Variants in CAND2 observed in about 807,000 individuals in gnomAD.
CAND2 encodes the protein cullin-associated NEDD8-dissociated protein 2.
CAND2 carries 62 observed loss-of-function variants against 98.9 expected under a neutral mutation model. The observed-to-expected ratio is 0.63, with a 90% confidence interval of 0.51 to 0.77. CAND2 has a LOEUF of 0.77. CAND2 is among the 30% of genes least tolerant of loss of function. The pLI is 0.00. For missense variants in CAND2, 1,501 were observed against 1,655.2 expected, an observed-to-expected ratio of 0.91 and a Z score of 1.62; for synonymous variants, 770 against 731.9, an observed-to-expected ratio of 1.05 and a Z score of -0.84.
At chr3:12,830,127 T>C (rs577836908) in intron 13 of CAND2, among the ~76,000 whole-genome samples, 1 of 152,290 alleles carries the variant, frequency 6.6e-6, no homozygotes, top group Admixed American at 6.5e-5. Context: ...CGCTCCTTCC[T>C]GCACTTCCTG....
At chr3:12,803,227 C>T (rs1016864898) in intron 1 of CAND2, among the ~76,000 whole-genome samples, 5 of 152,108 alleles carry the variant, frequency 3.3e-5, no homozygotes, top group African/African-American at 1.2e-4. Context: ...CTCCTGACCT[C>T]GTGATCTGCC....
chr3:12,820,330 A>C (rs1222697973), intron 11 of CAND2, 149 bp downstream of exon 11: 2 of 590,654 alleles, frequency 3.4e-6, no homozygotes, highest in Admixed American at 3.2e-5. Context: ...CCCTCCAGTT[A>C]AAAGGCCTGG....
rs2062074661 is a variant in CAND2, at chr3:12,833,748, A to C, written c.3484-7A>C. 1 of 1,611,384 alleles carries C rather than the reference A, an allele frequency of 6.2e-7. No homozygotes were observed. The highest frequency in any genetic ancestry group is 1.3e-5 in the African/African-American group (1 of 74,866). On this transcript the variant is annotated splice_region_variant and splice_polypyrimidine_tract_variant and intron_variant, in intron 14 of 14. Coordinates refer to ENST00000456430, the MANE Select transcript of CAND2 (RefSeq NM_001162499.2). Reference sequence around the variant, plus strand: ...AGGATGGCTGCTTCTGCTGTTTCCTACTTTAGGTCAAAGCTGGTTCTGTGA... The same window carrying C: ...AGGATGGCTGCTTCTGCTGTTTCCTCCTTTAGGTCAAAGCTGGTTCTGTGA...
At position 12,817,302 on chromosome 3, in the gene CAND2, G is replaced by A; in HGVS notation, c.2370G>A (p.Val790=). The A allele has an allele frequency of 1.9e-6, 3 of 1,613,868 alleles. No homozygotes were observed. The highest frequency in any genetic ancestry group is 1.7e-4 in the Middle Eastern group (1 of 6,058). The change falls in exon 10 of 15, where the codon GTG becomes GTA. Residue 790 remains valine, a synonymous_variant. Transcript: ENST00000456430. ...CTGCGCCTGTTTATGAGCAGGCTGT[G>A]GATGGTGGGCCTGGCCTGCACAAGC... ...LLTAPVYEQA[V]DGGPGLHKQV...
chr3:12,825,401 G>A (rs1248572379), intron 11 of CAND2, 69 bp from the exon 12 acceptor site: 45 of 1,443,478 alleles, frequency 3.1e-5, no homozygotes, highest in Middle Eastern at 2.2e-4. Flanking sequence ...CCAGATGGCC[G>A]GGGTGGTGAG....
chr3:12,827,111 G>A (rs1045763640), intron 12 of CAND2, among the ~76,000 whole-genome samples: 3 of 152,170 alleles, frequency 2.0e-5, no homozygotes, highest in South Asian at 2.1e-4. Flanking sequence ...GATTATAGGC[G>A]TGAACCACTG....
At chr3:12,828,901 T>C (rs1016808273) in intron 13 of CAND2, among the ~76,000 whole-genome samples, 1 of 152,226 alleles carries the variant, frequency 6.6e-6, no homozygotes, top group Non-Finnish European at 1.5e-5. Context: ...CATGTCAGAA[T>C]TTCCCAGTGT....
intron 1 of CAND2, among the ~76,000 whole-genome samples, chr3:12,798,153 T>C (rs993970551): frequency 6.6e-6 from 1 of 152,192 alleles, no homozygotes; most frequent in East Asian, 1.9e-4. Context: ...CTCAGGTTCA[T>C]GGCAGGCACT....
chr3:12,806,114 T>C (rs2061803993), intron 2 of CAND2, among the ~76,000 whole-genome samples: 1 of 152,164 alleles, frequency 6.6e-6, no homozygotes, highest in Admixed American at 6.5e-5. Context: ...AGAGGATCAC[T>C]TGAGGCCAGC....
chr3:12,810,175 C>T lies in CAND2; in HGVS notation c.608C>T (p.Ala203Val), dbSNP rs1017631705. ...KRAVGALGHLAAACSTDLFVE... is the reference protein window; with the variant it reads ...KRAVGALGHLVAACSTDLFVE... ...GCGGTCGGAGCGCTTGGCCACCTGGCGGCCGCCTGCAGCACCGACCTCTTC... is the reference window on the plus strand; with the variant it reads ...GCGGTCGGAGCGCTTGGCCACCTGGTGGCCGCCTGCAGCACCGACCTCTTC... Residue 203 changes from alanine (A) to valine (V), a missense_variant, in exon 5 of 15, where the codon GCG becomes GTG. Physicochemically the swap from Ala to Val is moderately conservative, Grantham distance 64. Coordinates refer to ENST00000456430, the MANE Select transcript of CAND2 (RefSeq NM_001162499.2). 4 of 1,531,062 alleles carry T rather than the reference C, an allele frequency of 2.6e-6. No individual in the cohort carries two copies. Among genetic ancestry groups the T allele is most frequent in the Admixed American group, 2.0e-5 (1 of 51,098 alleles). The allele number at this position is 1,531,062 out of a possible 1,614,324, so 94.8% of individuals were successfully genotyped here. A position where few individuals can be genotyped will look rare whatever the true frequency, so the allele number is the denominator to read the frequency against.
Position 12,817,036 on chromosome 3 carries a change from C to T in CAND2, c.2104C>T (p.Leu702=). Reference sequence around the variant, plus strand: ...GGCCGTGCTGGCTGAGCTGCCTGCCCTGGTCAACGAGAGCGACATGCATGT... The same window carrying T: ...GGCCGTGCTGGCTGAGCTGCCTGCCTTGGTCAACGAGAGCGACATGCATGT... The part of the protein sequence containing the change: ...VQAVLAELPA[L]VNESDMHVAQ... The change falls in exon 10 of 15, where the codon CTG becomes TTG. Residue 702 remains leucine (L), a synonymous_variant. Coordinates refer to ENST00000456430, the MANE Select transcript of CAND2 (RefSeq NM_001162499.2). The T allele has an allele frequency of 6.2e-7, 1 of 1,613,094 alleles. No homozygotes were observed. The highest frequency in any genetic ancestry group is 1.3e-5 in the African/African-American group (1 of 75,060).
chr3:12,819,605 C>T (rs150615788), intron 10 of CAND2, among the ~76,000 whole-genome samples: 152 of 152,300 alleles, frequency 1.0e-3, no homozygotes, highest in Non-Finnish European at 1.8e-3. Flanking sequence ...GGAAGAGGGG[C>T]CCAGCCAGGA....
intron 4 of CAND2, 82 bp downstream of exon 4, chr3:12,808,415 C>T (rs1233111273): frequency 6.9e-6 from 10 of 1,449,406 alleles, no homozygotes; most frequent in Non-Finnish European, 9.4e-6. Flanking sequence ...CTAGCACCTA[C>T]TGCACACCAG....
rs1319796787 is a variant in CAND2 at position 12,833,819 on chromosome 3, G to C, written c.3548G>C (p.Arg1183Thr). Residue 1183 changes from arginine (R) to threonine (T), a missense_variant, in exon 15 of 15, where the codon AGG becomes ACG. Physicochemically the swap from Arg to Thr is moderately conservative, Grantham distance 71. Coordinates refer to ENST00000456430, the MANE Select transcript of CAND2 (RefSeq NM_001162499.2). Reference protein sequence around the residue: ...KQDELKRSAMRAVAALLTIPE... With the variant: ...KQDELKRSAMTAVAALLTIPE... ...GATGAACTGAAGCGCTCTGCAATGA[G>C]GGCAGTGGCTGCCCTGCTGACCATC... The C allele has an allele frequency of 6.2e-7, 1 of 1,614,196 alleles. No homozygotes were observed. Among genetic ancestry groups the C allele is most frequent in the African/African-American group, 1.3e-5 (1 of 75,050 alleles).
chr3:12,796,878 AC>A, intron 1 of CAND2, 90 bp downstream of exon 1: 2 of 1,002,278 alleles, frequency 2.0e-6, no homozygotes, highest in Non-Finnish European at 3.1e-6. Context: ...ATCCCCCATG[AC>A]CATGCAGCCC....
intron 13 of CAND2, among the ~76,000 whole-genome samples, chr3:12,830,735 G>A (rs563996796): frequency 1.7e-3 from 265 of 152,278 alleles, no homozygotes; most frequent in South Asian, 4.1e-3. Flanking sequence ...CAGGGGAGAC[G>A]GAATCTTGTC....
chr3:12,825,102 CA>C (rs1349217424), intron 11 of CAND2, among the ~76,000 whole-genome samples: 2 of 150,152 alleles, frequency 1.3e-5, no homozygotes, highest in Non-Finnish European at 1.5e-5. Flanking sequence ...TTACCACATT[CA>C]AAAAATTTTT....
chr3:12,821,908 C>G (rs1430355180), intron 11 of CAND2, among the ~76,000 whole-genome samples: 2 of 152,154 alleles, frequency 1.3e-5, no homozygotes, highest in Non-Finnish European at 2.9e-5. Flanking sequence ...TCTCTCCACT[C>G]TAAAATTACT....
intron 13 of CAND2, among the ~76,000 whole-genome samples, chr3:12,828,235 GTTAAAGT>G (rs2062019645): frequency 6.6e-6 from 1 of 151,286 alleles, no homozygotes; most frequent in African/African-American, 2.4e-5. Context: ...TTTTTTAAAT[GTTAAAGT>G]TTATTCACAT....
Sources: allele counts gnomAD v4.1 joint callset (sites outside exome capture counted in the v4.1 genomes callset), GRCh38; gene constraint gnomAD v4.1.1; transcripts MANE v1.5; gene names NCBI Gene and HGNC (gene_info 2026-07-23, HGNC 2026-07-21).